The following ANHX variants were observed in gnomAD, a reference collection of about 807,000 sequenced individuals.
The protein encoded by ANHX is anomalous homeobox protein.
ANHX carries 20 observed loss-of-function variants against 38.9 expected under a neutral mutation model. The observed-to-expected ratio is 0.51, with a 90% CI of 0.36 to 0.75. ANHX has a LOEUF of 0.75. Ranked by LOEUF, ANHX falls within the 30% of genes least tolerant of loss-of-function variation. The pLI is 0.00. For missense variants in ANHX, 475 were observed against 493.1 expected (o/e 0.96, Z 0.35); for synonymous variants, 185 against 203.1 (o/e 0.91, Z 0.76).
At chr12:133,229,294 G>A (rs144367323) in intron 3 of ANHX, among the ~76,000 whole-genome samples, 42,291 of 152,030 alleles carry the variant, frequency 0.28, 6,141 homozygotes, top group African/African-American at 0.36. Flanking sequence ...ATTTCATAAG[G>A]AAAAGATGAT....
intron 4 of ANHX, 66 bp downstream of exon 4, chr12:133,227,758 A>G: frequency 6.6e-7 from 1 of 1,513,890 alleles, no homozygotes; most frequent in Non-Finnish European, 8.8e-7. Flanking sequence ...GGGTGGGGGT[A>G]CCCCTTGGGG....
rs1011900380 is a variant in ANHX, at chr12:133,234,302, C to T, written c.55G>A (p.Ala19Thr). 6.5e-7 allele frequency: 1 copy of T among 1,536,132 alleles called. No homozygotes were observed. Among genetic ancestry groups the T allele is most frequent in the Non-Finnish European group, 8.7e-7 (1 of 1,146,896 alleles). ...CTGCCCGCAAGGGTCACCAGCTCCG[C>T]CGGGGGTGCACAGGTGTCCTCATGC... ...KEHEDTCAPP[A>T]ELVTLAGRLC... Residue 19 changes from alanine (A) to threonine (T), a missense_variant, in exon 2 of 10, where the codon GCG (alanine) becomes ACG (threonine). Ala to Thr is a moderately conservative substitution (Grantham distance 58, BLOSUM62 0). Coordinates refer to ENST00000545940, the MANE Select transcript of ANHX (RefSeq NM_001372060.1).
chr12:133,219,228 G>C, intron 9 of ANHX, 55 bp downstream of exon 9: 2 of 1,445,302 alleles, frequency 1.4e-6, no homozygotes, highest in Non-Finnish European at 1.9e-6. Context: ...AGCACCATGA[G>C]CTGCAGATCC....
chr12:133,222,051 G>C (rs1327858882), intron 7 of ANHX, among the ~76,000 whole-genome samples: 1 of 152,132 alleles, frequency 6.6e-6, no homozygotes. Context: ...CTGTACAGCA[G>C]AGTGACCACC....
chr12:133,228,324 T>C (rs1326877389), intron 3 of ANHX, among the ~76,000 whole-genome samples: 3 of 152,080 alleles, frequency 2.0e-5, no homozygotes, highest in Admixed American at 1.3e-4. Context: ...CCTCAGCCCA[T>C]GGAGCTCCCG....
At position 133,218,917 on chromosome 12, in the gene ANHX, G is replaced by A. The variant is rs1957071038; in HGVS notation, c.1420C>T (p.Leu474Phe). The A allele has an allele frequency of 6.5e-7, 1 of 1,533,052 alleles. No homozygotes were observed. The highest frequency in any genetic ancestry group is 8.7e-7 in the Non-Finnish European group (1 of 1,144,768). The allele number at this position is 1,533,052 out of a possible 1,614,324, so 95.0% of individuals were successfully genotyped here. A position where few individuals can be genotyped will look rare whatever the true frequency, so the allele number is the denominator to read the frequency against. Residue 474 changes from leucine (L) to phenylalanine (F), a missense_variant, in exon 10 of 10, where the codon CTC (leucine) becomes TTC (phenylalanine). Leu to Phe is a conservative substitution (Grantham distance 22). Transcript: ENST00000545940. Reference protein sequence around the residue: ...SGDAFWGARMLLEFSGSSLG With the variant: ...SGDAFWGARMFLEFSGSSLG Reference sequence around the variant, plus strand: ...AGGCTGCTCCCTGAAAACTCAAGGAGCATCCTGGCTCCCCAGAAGGCATCA... The same window carrying A: ...AGGCTGCTCCCTGAAAACTCAAGGAACATCCTGGCTCCCCAGAAGGCATCA...
chr12:133,220,068 A>C (rs1409107201), intron 8 of ANHX, among the ~76,000 whole-genome samples: 4 of 152,096 alleles, frequency 2.6e-5, no homozygotes, highest in Non-Finnish European at 5.9e-5. Flanking sequence ...TGACAGAAGC[A>C]GATCCATGGT....
chr12:133,235,227 A>G (rs1408404808), intron 1 of ANHX: 10 of 152,086 alleles, frequency 6.6e-5, no homozygotes, highest in African/African-American at 2.2e-4. Context: ...GGGGGAACAG[A>G]GCCTGCAGGG....
chr12:133,233,354 C>T (rs139406758), intron 2 of ANHX, among the ~76,000 whole-genome samples: 5 of 152,274 alleles, frequency 3.3e-5, no homozygotes, highest in African/African-American at 9.6e-5. Context: ...TGGAAGGAAC[C>T]GAGTATCTTG....
intron 5 of ANHX, 101 bp downstream of exon 5, chr12:133,226,835 G>A (rs1957195939): frequency 4.3e-6 from 5 of 1,149,966 alleles, no homozygotes; most frequent in Middle Eastern, 3.0e-4. Flanking sequence ...CTACTGATTG[G>A]AGGAGGGCTA....
Position 133,221,215 on chromosome 12 carries a change from G to C in ANHX, c.1270C>G (p.Leu424Val), listed in dbSNP as rs948731144. 1 of 1,535,972 alleles carries C rather than the reference G, an allele frequency of 6.5e-7. No homozygotes were observed. The highest frequency in any genetic ancestry group is 8.7e-7 in the Non-Finnish European group (1 of 1,146,902). ...CTCTTCAGGGCTTACCTCTGGGTGA[G>C]GATGAATTCAGGAGCTTGCAGTGGG... ...QPPLQAPEFI[L>V]TQSPPELAPA... The change falls in exon 8 of 10, where the codon CTC becomes GTC. Residue 424 changes from leucine to valine, a missense_variant. By Grantham distance (32) the Leu-to-Val change is conservative. Coordinates refer to ENST00000545940, the MANE Select transcript of ANHX (RefSeq NM_001372060.1). The surrounding 1 kb of genome is among the most constrained non-coding windows in gnomAD (Gnocchi z 4.1).
chr12:133,222,121 G>T (rs1470123283), intron 7 of ANHX, among the ~76,000 whole-genome samples: 3 of 152,158 alleles, frequency 2.0e-5, no homozygotes, highest in African/African-American at 7.2e-5. Context: ...CTGACCATGT[G>T]CCTGCTTTCT....
chr12:133,223,955 T>C (rs1229669080), intron 7 of ANHX, among the ~76,000 whole-genome samples: 16 of 152,216 alleles, frequency 1.1e-4, no homozygotes, highest in Non-Finnish European at 1.5e-5. Context: ...TTAACCAAAC[T>C]TGAAGACAGA....
chr12:133,224,791 C>G (rs555076451), intron 7 of ANHX, among the ~76,000 whole-genome samples: 205 of 150,600 alleles, frequency 1.4e-3, no homozygotes, highest in Admixed American at 2.3e-3. Flanking sequence ...GGGTGAAACC[C>G]CGTCTCTACT....
Position 133,230,886 on chromosome 12 carries a change from T to C in ANHX, c.377+631A>G, listed in dbSNP as rs145310831. Among the ~76,000 whole-genome samples the C allele has an allele frequency of 3.2e-3, 483 of 152,234 alleles. 2 individuals carry two copies. Among genetic ancestry groups the C allele is most frequent in the African/African-American group, 0.011 (470 of 41,548 alleles). On this transcript the variant is annotated intron_variant, in intron 3 of 9. Transcript: ENST00000545940. ...CCGTTTCCTCATCCATAAGTGGTGA[T>C]GATGGTGATAATAAAAATTACTAGT...
chr12:133,232,877 G>T (rs1454971916), intron 2 of ANHX, among the ~76,000 whole-genome samples: 1 of 152,174 alleles, frequency 6.6e-6, no homozygotes, highest in Admixed American at 6.5e-5. Context: ...GGCTGTGGTG[G>T]CCCTGCCTCA....
At chr12:133,225,341 A>T (rs1957176643) in intron 7 of ANHX, among the ~76,000 whole-genome samples, 195 bp downstream of exon 7, 1 of 151,938 alleles carries the variant, frequency 6.6e-6, no homozygotes, top group Non-Finnish European at 1.5e-5. Flanking sequence ...ACACACACAC[A>T]CAATAAAACA....
At chr12:133,228,632 G>A (rs751278516) in intron 3 of ANHX, among the ~76,000 whole-genome samples, 11 of 152,254 alleles carry the variant, frequency 7.2e-5, no homozygotes, top group African/African-American at 2.6e-4. Flanking sequence ...TGTGCCCCCA[G>A]CAAACCTGCC....
At position 133,227,839 on chromosome 12, in the gene ANHX, G is replaced by A. The variant is rs766178467; in HGVS notation, c.486C>T (p.Pro162=). 1 of 1,535,444 alleles carries A rather than the reference G, an allele frequency of 6.5e-7. No homozygotes were observed. The highest frequency in any genetic ancestry group is 1.4e-5 in the African/African-American group (1 of 72,952). Residue 162 remains proline, a synonymous_variant, in exon 4 of 10, where the codon CCC becomes CCT. Coordinates refer to ENST00000545940, the MANE Select transcript of ANHX (RefSeq NM_001372060.1). ...CTATTCTTACCCTCTCAGCCTTGCTGGGGTTGGTGTTCACCCCCACAGCGA... is the reference window on the plus strand; with the variant it reads ...CTATTCTTACCCTCTCAGCCTTGCTAGGGTTGGTGTTCACCCCCACAGCGA... ...HNFAVGVNTN[P]SKAERENLAL... is the part of the protein sequence containing the mutation.
Sources: allele counts gnomAD v4.1 joint callset (sites outside exome capture counted in the v4.1 genomes callset), GRCh38; gene constraint gnomAD v4.1.1; non-coding constraint Gnocchi (gnomAD v3.1); transcripts MANE v1.5; gene names NCBI Gene and HGNC (gene_info 2026-07-23, HGNC 2026-07-21).